SRPK2: variants seen among roughly 807,000 people sequenced by gnomAD.
The protein encoded by SRPK2 is SFRS protein kinase 2.
Under a neutral mutation model 90.8 loss-of-function variants are expected in SRPK2, and 21 were observed. The ratio of observed to expected loss-of-function variants is 0.23; its 90% CI spans 0.16 to 0.33. The LOEUF (loss-of-function observed/expected upper bound fraction) is 0.33, where lower values mean the gene tolerates loss of function less well. Among genes scored for constraint, SRPK2 ranks in the 10% least tolerant of loss-of-function variants. The pLI is 1.00. For synonymous variants in SRPK2, 288 were observed against 311.1 expected (o/e 0.93, Z 0.78); for missense variants, 620 against 869.0 (o/e 0.71, Z 3.60).
At chr7:105,335,543 A>G (rs898232115) in intron 2 of SRPK2, among the ~76,000 whole-genome samples, 1 of 151,846 alleles carries the variant, frequency 6.6e-6, no homozygotes, top group Non-Finnish European at 1.5e-5. Flanking sequence ...TCTAGTTCCA[A>G]CTACTGGAGA....
intron 2 of SRPK2, chr7:105,332,846 T>C (rs1814596959): frequency 1.3e-5 from 2 of 151,950 alleles, no homozygotes; most frequent in South Asian, 4.1e-4. Context: ...AAGATTAGCA[T>C]GGCCCCTGCC....
At chr7:105,238,654 G>GT (rs1800424597) in intron 2 of SRPK2, among the ~76,000 whole-genome samples, 1 of 152,144 alleles carries the variant, frequency 6.6e-6, no homozygotes, top group African/African-American at 2.4e-5. Context: ...TAGCCAGTCA[G>GT]TTTGTATTAT....
intron 15 of SRPK2, among the ~76,000 whole-genome samples, chr7:105,121,991 T>C (rs749620699): frequency 2.6e-5 from 4 of 152,158 alleles, no homozygotes; most frequent in Non-Finnish European, 4.4e-5. Flanking sequence ...CTGATGAGCA[T>C]CAATTGTGTA....
Position 105,133,111 on chromosome 7 carries a change from T to G in SRPK2, c.1544-7A>C. 5.6e-6 allele frequency: 9 copies of G among 1,613,832 alleles called. No homozygotes were observed. The highest frequency in any genetic ancestry group is 7.6e-6 in the Non-Finnish European group (9 of 1,179,708). ...TCAGCTGCCCGGGTTTTTGCTGGCA[T>G]GAGCAAACAGCAGGACAGTTAGTGA... On this transcript the variant is annotated splice_polypyrimidine_tract_variant and splice_region_variant and intron_variant, in intron 11 of 15. Coordinates refer to ENST00000393651, the MANE Select transcript of SRPK2 (RefSeq NM_182692.3).
intron 2 of SRPK2, among the ~76,000 whole-genome samples, chr7:105,238,254 T>C (rs568694345): frequency 6.6e-6 from 1 of 152,310 alleles, no homozygotes; most frequent in African/African-American, 2.4e-5. Flanking sequence ...AAAATCATCA[T>C]CGTCGTCATC....
intron 3 of SRPK2, among the ~76,000 whole-genome samples, chr7:105,170,831 GAAAGGAAGAAAGAAAGAAAGAAAGA>G (rs1790781151): frequency 9.3e-6 from 1 of 107,390 alleles, no homozygotes; most frequent in Non-Finnish European, 1.9e-5. Flanking sequence ...GAAAGAGAAA[GAAAGGAAGAAAGAAAGAAAGAAAGA>G]AAGAAAGAAA....
At chr7:105,164,305 A>G (rs1346173862) in intron 6 of SRPK2, among the ~76,000 whole-genome samples, 3 of 152,230 alleles carry the variant, frequency 2.0e-5, no homozygotes, top group South Asian at 2.1e-4. Flanking sequence ...GCAGGAAAAT[A>G]CCTCAGAAAA....
intron 2 of SRPK2, among the ~76,000 whole-genome samples, chr7:105,284,248 A>G (rs1356815658): frequency 6.6e-6 from 1 of 152,222 alleles, no homozygotes; most frequent in Non-Finnish European, 1.5e-5. Context: ...GGGCTTGGTT[A>G]TAAAGGTCAG....
chr7:105,131,635 T>C (rs1802018064), intron 13 of SRPK2, among the ~76,000 whole-genome samples: 1 of 152,190 alleles, frequency 6.6e-6, no homozygotes, highest in Non-Finnish European at 1.5e-5. Context: ...TCCTATCAGC[T>C]GGCACTATCT....
chr7:105,371,996 G>A (rs1444922881), intron 2 of SRPK2, among the ~76,000 whole-genome samples: 4 of 151,930 alleles, frequency 2.6e-5, no homozygotes, highest in African/African-American at 7.3e-5. Flanking sequence ...TTAGCCAGGC[G>A]TGGTGGCGGG....
chr7:105,367,471 C>T (rs1279099520), intron 2 of SRPK2, among the ~76,000 whole-genome samples: 1 of 152,040 alleles, frequency 6.6e-6, no homozygotes, highest in Non-Finnish European at 1.5e-5. Flanking sequence ...CCGTGTTGCC[C>T]AGGCTGGTCT....
Position 105,143,329 on chromosome 7 carries a change from A to G in SRPK2, c.815T>C (p.Ile272Thr), listed in dbSNP as rs1413703977. ...AVSTAPQQKP[I>T]GKISKNKKKK... is the part of the protein sequence containing the mutation. ...CTTTTTGTTTTTAGATATTTTTCCTATCTATGTTAAGGAAAGACCACAGGT... is the reference window on the plus strand; with the variant it reads ...CTTTTTGTTTTTAGATATTTTTCCTGTCTATGTTAAGGAAAGACCACAGGT... The change falls in exon 10 of 16, where the codon ATA becomes ACA. Residue 272 changes from isoleucine (I) to threonine (T), a missense_variant and splice_region_variant. By Grantham distance (89) the Ile-to-Thr change is moderately conservative. Coordinates refer to ENST00000393651, the MANE Select transcript of SRPK2 (RefSeq NM_182692.3). 2 of 1,609,970 alleles carry G rather than the reference A, an allele frequency of 1.2e-6. No individual in the cohort carries two copies. The highest frequency in any genetic ancestry group is 1.7e-6 in the Non-Finnish European group (2 of 1,179,556).
chr7:105,264,189 C>T (rs1804725433), intron 2 of SRPK2, among the ~76,000 whole-genome samples: 1 of 152,164 alleles, frequency 6.6e-6, no homozygotes. Context: ...ATGCCCTTTA[C>T]TTCTTTCTCT....
At chr7:105,356,016 C>T (rs1299325470) in intron 2 of SRPK2, among the ~76,000 whole-genome samples, 1 of 152,056 alleles carries the variant, frequency 6.6e-6, no homozygotes, top group Non-Finnish European at 1.5e-5. Context: ...CCACCGCACT[C>T]CAGCCTGGAT....
At chr7:105,229,775 C>G (rs1318909902) in intron 2 of SRPK2, among the ~76,000 whole-genome samples, 2 of 145,144 alleles carry the variant, frequency 1.4e-5, no homozygotes, top group East Asian at 2.1e-4. Context: ...CAAGTAAGAA[C>G]TTGCACTGCT....
At chr7:105,300,301 CA>C (rs201999194) in intron 2 of SRPK2, among the ~76,000 whole-genome samples, 1,563 of 145,002 alleles carry the variant, frequency 0.011, 21 homozygotes, top group African/African-American at 0.037. Context: ...ATATTTAGAA[CA>C]CTATGTGCAC....
intron 2 of SRPK2, among the ~76,000 whole-genome samples, chr7:105,331,559 C>T (rs1215166665): frequency 6.6e-6 from 1 of 152,016 alleles, no homozygotes; most frequent in Non-Finnish European, 1.5e-5. Context: ...ACATACAAAA[C>T]TTAAACCTTT....
At chr7:105,387,759 T>C (rs1821789940) in intron 2 of SRPK2, among the ~76,000 whole-genome samples, 1 of 152,190 alleles carries the variant, frequency 6.6e-6, no homozygotes, top group Non-Finnish European at 1.5e-5. Context: ...GAGATAACGA[T>C]GTCGAACGCT....
At chr7:105,348,062 G>C (rs1248119370) in intron 2 of SRPK2, among the ~76,000 whole-genome samples, 1 of 144,820 alleles carries the variant, frequency 6.9e-6, no homozygotes, top group African/African-American at 2.5e-5. Context: ...ATGGCTGCTT[G>C]GCAAACTTTT....
Sources: gnomAD v4.1 joint callset for allele counts (sites outside exome capture counted in the v4.1 genomes callset) on GRCh38, gnomAD v4.1.1 for gene constraint, MANE v1.5 for transcripts, NCBI Gene and HGNC (gene_info 2026-07-23, HGNC 2026-07-21) for gene names.